The following TMEM135 variants were observed in gnomAD, a reference collection of about 807,000 sequenced individuals.
TMEM135 encodes transmembrane protein 135.
A neutral mutation model predicts 60.3 loss-of-function variants in TMEM135; 30 were observed. That is an observed-to-expected ratio of 0.50 (90% CI 0.37 to 0.68). The LOEUF (loss-of-function observed/expected upper bound fraction) is 0.68, where lower values mean the gene tolerates loss of function less well. Among genes scored for constraint, TMEM135 ranks in the 30% least tolerant of loss-of-function variants. The pLI is 0.00. For synonymous variants in TMEM135, 190 were observed against 186.7 expected, an observed-to-expected ratio of 1.02 and a Z score of -0.14; for missense variants, 468 against 548.8, an observed-to-expected ratio of 0.85 and a Z score of 1.47.
At chr11:87,172,515 G>A (rs1939266377) in intron 5 of TMEM135, among the ~76,000 whole-genome samples, 2 of 151,752 alleles carry the variant, frequency 1.3e-5, no homozygotes, top group South Asian at 4.2e-4. Flanking sequence ...AAACCTTCCA[G>A]GAGCATGGTG....
intron 5 of TMEM135, among the ~76,000 whole-genome samples, chr11:87,217,597 C>T (rs1434292571): frequency 6.6e-6 from 1 of 152,000 alleles, no homozygotes; most frequent in Non-Finnish European, 1.5e-5. Context: ...ATCAGCGTTA[C>T]CAACATAGAG....
intron 6 of TMEM135, among the ~76,000 whole-genome samples, chr11:87,246,996 G>A (rs1941294177): frequency 6.9e-6 from 1 of 145,570 alleles, no homozygotes. Context: ...TCTACTTTTG[G>A]TCTTTGATGA....
At chr11:87,290,095 A>G (rs559260318) in intron 6 of TMEM135, among the ~76,000 whole-genome samples, 3 of 152,268 alleles carry the variant, frequency 2.0e-5, no homozygotes, top group East Asian at 1.9e-4. Context: ...TATAAAGTAC[A>G]TCTTTTACAT....
At chr11:87,158,970 C>T (rs1938786324) in intron 5 of TMEM135, among the ~76,000 whole-genome samples, 1 of 151,946 alleles carries the variant, frequency 6.6e-6, no homozygotes, top group South Asian at 2.1e-4. Flanking sequence ...ATAGGGTGGG[C>T]AATGAACTGT....
At chr11:87,070,783 C>G (rs551173998) in intron 2 of TMEM135, among the ~76,000 whole-genome samples, 4 of 152,232 alleles carry the variant, frequency 2.6e-5, no homozygotes, top group African/African-American at 9.6e-5. Context: ...ACACATAAAA[C>G]TAAAACGTAT....
chr11:87,226,108 C>T (rs1940759773), intron 5 of TMEM135, among the ~76,000 whole-genome samples: 1 of 151,980 alleles, frequency 6.6e-6, no homozygotes, highest in Non-Finnish European at 1.5e-5. Context: ...TTACAATGAC[C>T]AATTAATTGA....
intron 4 of TMEM135, among the ~76,000 whole-genome samples, chr11:87,102,027 C>G (rs774875244): frequency 9.2e-5 from 14 of 152,154 alleles, no homozygotes; most frequent in Non-Finnish European, 1.6e-4. Flanking sequence ...TTCTTTCACT[C>G]AACAGAGAAT....
rs1156974868 is a variant in TMEM135 at position 87,324,311 on chromosome 11, A to G, written c.*2978A>G. 2.2e-6 allele frequency: 1 copy of G among 454,044 alleles called. No individual in the cohort carries two copies. Among genetic ancestry groups the G allele is most frequent in the Non-Finnish European group, 4.4e-6 (1 of 226,772 alleles). The allele number at this position is 454,044 out of a possible 1,614,324, so 28.1% of individuals were successfully genotyped here. A position where few individuals can be genotyped will look rare whatever the true frequency, so the allele number is the denominator to read the frequency against. ...CACAACCTCTCCCTTGGTGCTAATT[A>G]GGAAGCTTCTTGTGGGACTGAAGGG... On this transcript the variant is annotated 3_prime_UTR_variant, in exon 15 of 15. Coordinates refer to ENST00000305494, the MANE Select transcript of TMEM135 (RefSeq NM_022918.4).
At chr11:87,192,084 C>A (rs1353923756) in intron 5 of TMEM135, among the ~76,000 whole-genome samples, 1 of 142,894 alleles carries the variant, frequency 7.0e-6, no homozygotes, top group Non-Finnish European at 1.5e-5. Context: ...TGGGATCAAG[C>A]GATCCCCCTG....
intron 4 of TMEM135, among the ~76,000 whole-genome samples, chr11:87,144,627 C>T (rs1249012850): frequency 4.0e-5 from 6 of 151,882 alleles, no homozygotes; most frequent in Non-Finnish European, 5.9e-5. Context: ...AAAGTATTAC[C>T]TTTAATCTTC....
intron 5 of TMEM135, among the ~76,000 whole-genome samples, chr11:87,232,918 A>G (rs556087775): frequency 1.2e-4 from 18 of 152,184 alleles, no homozygotes; most frequent in Non-Finnish European, 1.9e-4. Flanking sequence ...TCAGAGGCCA[A>G]GGTGGGCAGA....
intron 3 of TMEM135, among the ~76,000 whole-genome samples, chr11:87,081,118 C>T (rs938803156): frequency 1.0e-4 from 15 of 149,744 alleles, no homozygotes; most frequent in African/African-American, 3.5e-4. Flanking sequence ...AGATAATATA[C>T]AGTGGGGTCT....
chr11:87,239,865 T>A (rs1357910969), intron 6 of TMEM135, among the ~76,000 whole-genome samples: 2 of 152,100 alleles, frequency 1.3e-5, no homozygotes, highest in African/African-American at 4.8e-5. Flanking sequence ...ACGTTTTTGA[T>A]ATTGAAAACT....
chr11:87,042,912 A>G (rs1275170647), intron 1 of TMEM135, among the ~76,000 whole-genome samples: 2 of 151,846 alleles, frequency 1.3e-5, no homozygotes, highest in African/African-American at 4.8e-5. Context: ...CACAATTTGT[A>G]AAGAATATCA....
chr11:87,080,944 C>T (rs1856978586), intron 3 of TMEM135, among the ~76,000 whole-genome samples: 2 of 152,308 alleles, frequency 1.3e-5, no homozygotes, highest in African/African-American at 4.8e-5. Flanking sequence ...CCTTGGCCTC[C>T]CGAAGTGCTG....
chr11:87,236,758 A>C, intron 6 of TMEM135, 74 bp downstream of exon 6: 1 of 1,406,466 alleles, frequency 7.1e-7, no homozygotes, highest in Non-Finnish European at 1.0e-6. Flanking sequence ...CCACGAAACT[A>C]AAGTATTCTC....
At chr11:87,244,084 C>T (rs1204398846) in intron 6 of TMEM135, among the ~76,000 whole-genome samples, 32 of 84,238 alleles carry the variant, frequency 3.8e-4, no homozygotes, top group African/African-American at 1.5e-3. Context: ...TTGTCAAAGG[C>T]CTTTTCTGCA....
At chr11:87,126,323 A>G in intron 4 of TMEM135, among the ~76,000 whole-genome samples, 1 of 152,248 alleles carries the variant, frequency 6.6e-6, no homozygotes, top group East Asian at 1.9e-4. Context: ...GTGTGCATAA[A>G]TGTATATTTA....
At chr11:87,286,307 C>G (rs1942163676) in intron 6 of TMEM135, among the ~76,000 whole-genome samples, 2 of 151,208 alleles carry the variant, frequency 1.3e-5, no homozygotes, top group South Asian at 4.2e-4. Flanking sequence ...TTCTCCAAGT[C>G]CCCACCAGAT....
Sources: gnomAD v4.1 joint callset for allele counts (sites outside exome capture counted in the v4.1 genomes callset) on GRCh38, gnomAD v4.1.1 for gene constraint, MANE v1.5 for transcripts, NCBI Gene and HGNC (gene_info 2026-07-23, HGNC 2026-07-21) for gene names.